SLC4A8: variants seen among roughly 807,000 people sequenced by gnomAD.
The protein encoded by SLC4A8 is solute carrier family 4 member 8.
A neutral mutation model predicts 125.0 loss-of-function variants in SLC4A8; 40 were observed. That is an observed-to-expected ratio of 0.32 (90% CI 0.25 to 0.42). SLC4A8 has a LOEUF of 0.42. SLC4A8 is among the 10% of genes least tolerant of loss of function. SLC4A8 has a pLI of 1.00. For missense variants in SLC4A8, 863 were observed against 1,355.1 expected (o/e 0.64, Z 5.70); for synonymous variants, 456 against 476.0 (o/e 0.96, Z 0.55).
rs998603974 is a variant in SLC4A8 at position 51,453,472 on chromosome 12, C to A, written c.414-67C>A. ...AGATATCTTCCTCTGTGGCTCACATCGAAGATTCTCTCTTAAAAATTCCTC... is the reference window on the plus strand; with the variant it reads ...AGATATCTTCCTCTGTGGCTCACATAGAAGATTCTCTCTTAAAAATTCCTC... On this transcript the variant is annotated intron_variant, in intron 4 of 24. Transcript: ENST00000453097. 9 of 1,505,186 alleles carry A rather than the reference C, an allele frequency of 6.0e-6. No individual in the cohort carries two copies. The African/African-American group carries it at 8.3e-5, about 14-fold the overall frequency. The allele number at this position is 1,505,186 out of a possible 1,614,324, so 93.2% of individuals were successfully genotyped here. A position where few individuals can be genotyped will look rare whatever the true frequency, so the allele number is the denominator to read the frequency against.
At chr12:51,425,224 T>C in intron 1 of SLC4A8, 189 bp downstream of exon 1, 7 of 1,395,886 alleles carry the variant, frequency 5.0e-6, no homozygotes, top group Non-Finnish European at 6.5e-6. Context: ...TGCGAGAGAG[T>C]GACCTTGGGC....
chr12:51,430,702 A>G lies in SLC4A8; in HGVS notation c.48+5667A>G, dbSNP rs1172023941. Among the ~76,000 whole-genome samples the G allele has an allele frequency of 3.3e-5, 5 of 152,146 alleles. No individual in the cohort carries two copies. The East Asian group carries it at 9.6e-4, about 29-fold the overall frequency. ...AATCTGTAGATAATCGTCTTAGCTC[A>G]TGGTTTGCCTTGGCAGGGTAGACAG... is the stretch of plus-strand genomic sequence containing the variant. On this transcript the variant is annotated intron_variant, in intron 1 of 24. Transcript: ENST00000453097.
At chr12:51,401,742 AG>A (rs1948397952) in intron 1 of SLC4A8, among the ~76,000 whole-genome samples, 1 of 152,210 alleles carries the variant, frequency 6.6e-6, no homozygotes, top group Non-Finnish European at 1.5e-5. Context: ...GTCCTCACCT[AG>A]GTCCCTGGGC....
intron 1 of SLC4A8, among the ~76,000 whole-genome samples, chr12:51,395,603 G>A (rs145783363): frequency 2.6e-5 from 4 of 152,198 alleles, no homozygotes; most frequent in African/African-American, 9.7e-5. Context: ...CAGAGTGAGG[G>A]AGACCTGCCC....
At chr12:51,438,536 A>G (rs1165308543) in intron 1 of SLC4A8, among the ~76,000 whole-genome samples, 1 of 152,156 alleles carries the variant, frequency 6.6e-6, no homozygotes, top group East Asian at 1.9e-4. Context: ...CTGTTGTTGG[A>G]CACCTAGGAT....
In SLC4A8 at chr12:51,436,913, C is replaced by A. The variant is rs2138103029; in HGVS notation, c.49-3795C>A. Among the ~76,000 whole-genome samples, 4 of 152,350 alleles carry A rather than the reference C, an allele frequency of 2.6e-5. No homozygotes were observed. In the South Asian group the frequency reaches 8.3e-4, roughly 32 times the overall value. On this transcript the variant is annotated intron_variant, in intron 1 of 24. Transcript: ENST00000453097. ...AAGTGCTGGGATTATAGGCATGAGC[C>A]ACTGCAGTCATCCTATTTGTTTTAA...
At chr12:51,474,540 C>T in intron 15 of SLC4A8, 93 bp downstream of exon 15, 1 of 1,497,026 alleles carries the variant, frequency 6.7e-7, no homozygotes, top group Non-Finnish European at 9.0e-7. Context: ...TTTGGCCAAA[C>T]TCTGGCATTT....
chr12:51,397,542 A>C (rs896648401), intron 1 of SLC4A8, among the ~76,000 whole-genome samples: 1 of 152,162 alleles, frequency 6.6e-6, no homozygotes, highest in Non-Finnish European at 1.5e-5. Flanking sequence ...AATGATCCAA[A>C]TATCACATTT....
intron 16 of SLC4A8, among the ~76,000 whole-genome samples, chr12:51,476,901 C>CTTTTTTTTTTTTTT (rs1950870679): frequency 7.8e-6 from 1 of 127,682 alleles, no homozygotes; most frequent in African/African-American, 2.9e-5. Context: ...TTTTCTTTTT[C>CTTTTTTTTTTTTTT]TTTTCTTTTT....
intron 12 of SLC4A8, among the ~76,000 whole-genome samples, 177 bp downstream of exon 12, chr12:51,469,965 A>G (rs908897221): frequency 1.3e-5 from 2 of 152,140 alleles, no homozygotes; most frequent in Non-Finnish European, 2.9e-5. Flanking sequence ...TCTCTTTAGA[A>G]CAGACTCTTC....
upstream of SLC4A8, chr12:51,424,587 G>C (rs999132211): frequency 5.2e-6 from 1 of 193,012 alleles, no homozygotes; most frequent in African/African-American, 2.3e-5. Flanking sequence ...CAGTTTTCAA[G>C]GGTCAGGTGC....
At chr12:51,501,506 G>T (rs143820048) in intron 22 of SLC4A8, among the ~76,000 whole-genome samples, 1 of 152,196 alleles carries the variant, frequency 6.6e-6, no homozygotes, top group African/African-American at 2.4e-5. Context: ...TTGTGGCTGC[G>T]TAGTATTCCA....
intron 1 of SLC4A8, among the ~76,000 whole-genome samples, chr12:51,410,461 T>C (rs1345981960): frequency 2.1e-5 from 3 of 140,592 alleles, no homozygotes; most frequent in African/African-American, 8.3e-5. Context: ...AATTAATCTC[T>C]TTTTTTTTTT....
Position 51,511,978 on chromosome 12 carries a change from A to C in SLC4A8, c.*4540A>C, listed in dbSNP as rs961640988. Reference sequence around the variant, plus strand: ...AGGTGTTATCTCTCAAATCTCTGTAAAGAGCACTAAGAGTATGTAGTGTTG... The same window carrying C: ...AGGTGTTATCTCTCAAATCTCTGTACAGAGCACTAAGAGTATGTAGTGTTG... On this transcript the variant is annotated 3_prime_UTR_variant, in exon 25 of 25. Coordinates refer to ENST00000453097, the MANE Select transcript of SLC4A8 (RefSeq NM_001039960.3). The C allele has an allele frequency of 6.6e-6, 1 of 152,224 alleles. No individual in the cohort carries two copies. The highest frequency in any genetic ancestry group is 6.5e-5 in the Admixed American group (1 of 15,286). 9.4% of individuals were successfully genotyped at this position (152,224 alleles called of 1,614,324 possible).
At position 51,493,718 on chromosome 12, in the gene SLC4A8, A is replaced by G. The variant is rs1194916762; in HGVS notation, c.2715A>G (p.Pro905=). 8.7e-6 allele frequency: 14 copies of G among 1,609,156 alleles called. No individual in the cohort carries two copies. Among genetic ancestry groups the G allele is most frequent in the Admixed American group, 1.7e-5 (1 of 60,024 alleles). Residue 905 remains proline, a synonymous_variant, in exon 20 of 25, where the codon CCA becomes CCG. Transcript: ENST00000453097. ...MTAILKFIPM[P]VLYGVFLYMG... ...TTTGTCTTCAGTTTATTCCAATGCCAGTACTCTACGGAGTTTTCCTTTACA... is the reference window on the plus strand; with the variant it reads ...TTTGTCTTCAGTTTATTCCAATGCCGGTACTCTACGGAGTTTTCCTTTACA...
rs566775154 is a variant in SLC4A8 at position 51,413,482 on chromosome 12, A to G, written c.-112+21994A>G. 1.2e-4 allele frequency among the ~76,000 whole-genome samples: 19 copies of G among 152,184 alleles called. No homozygotes were observed. The South Asian group carries it at 3.7e-3, about 30-fold the overall frequency. ...GCTTTTGAAGTCTTAGCCATGAAATATTTTGCCTAGATCCATGTCCTGCAG... is the reference window on the plus strand; with the variant it reads ...GCTTTTGAAGTCTTAGCCATGAAATGTTTTGCCTAGATCCATGTCCTGCAG... On this transcript the variant is annotated intron_variant, in intron 1 of 24. Transcript: ENST00000358657.
chr12:51,429,230 C>T (rs1193531239), intron 1 of SLC4A8, among the ~76,000 whole-genome samples: 1 of 152,158 alleles, frequency 6.6e-6, no homozygotes, highest in Non-Finnish European at 1.5e-5. Context: ...TTAAGTAATT[C>T]TAAGTGCCAG....
chr12:51,417,111 AAG>A (rs1387364755), intron 1 of SLC4A8, among the ~76,000 whole-genome samples: 5 of 152,198 alleles, frequency 3.3e-5, no homozygotes, highest in African/African-American at 1.2e-4. Context: ...CAAAAAAAAA[AAG>A]AGAAAGAATT....
chr12:51,451,909 CTCGTGGGT>C (rs1407511783), intron 3 of SLC4A8, among the ~76,000 whole-genome samples: 1 of 152,068 alleles, frequency 6.6e-6, no homozygotes, highest in African/African-American at 2.4e-5. Context: ...TTTCCAGTTT[CTCGTGGGT>C]TTTCTTCAAG....
Sources: allele counts gnomAD v4.1 joint callset (sites outside exome capture counted in the v4.1 genomes callset), GRCh38; gene constraint gnomAD v4.1.1; transcripts MANE v1.5; gene names NCBI Gene and HGNC (gene_info 2026-07-23, HGNC 2026-07-21).